ANKS1B: variants seen among roughly 807,000 people sequenced by gnomAD.
ANKS1B encodes the protein ankyrin repeat and sterile alpha motif domain-containing protein 1B.
ANKS1B carries 36 observed loss-of-function variants against 148.3 expected under a neutral mutation model. That is an observed-to-expected ratio of 0.24 (90% confidence interval 0.19 to 0.32). The LOEUF is 0.32. Among genes scored for constraint, ANKS1B ranks in the 10% least tolerant of loss-of-function variants. ANKS1B has a pLI of 1.00. For missense variants in ANKS1B, 1,157 were observed against 1,542.6 expected, an observed-to-expected ratio of 0.75 and a Z score of 4.19; for synonymous variants, 542 against 560.8, an observed-to-expected ratio of 0.97 and a Z score of 0.47.
chr12:99,463,008 A>G (rs2096011016), intron 10 of ANKS1B, among the ~76,000 whole-genome samples: 1 of 152,076 alleles, frequency 6.6e-6, no homozygotes, highest in Admixed American at 6.6e-5. Flanking sequence ...AGCCAAACAA[A>G]CCTCCTTTCT....
intron 25 of ANKS1B, among the ~76,000 whole-genome samples, chr12:98,759,212 G>A (rs2153431483): frequency 6.6e-6 from 1 of 152,240 alleles, no homozygotes; most frequent in South Asian, 2.1e-4. Flanking sequence ...AGATATGCAG[G>A]TCAGCTTATA....
intron 17 of ANKS1B, among the ~76,000 whole-genome samples, chr12:98,974,256 G>A (rs1568122841): frequency 6.6e-6 from 1 of 152,178 alleles, no homozygotes; most frequent in Non-Finnish European, 1.5e-5. Flanking sequence ...GAATGAGTAA[G>A]AGTTAAGATA....
chr12:99,385,554 C>G (rs748281773), intron 12 of ANKS1B, among the ~76,000 whole-genome samples: 1 of 152,288 alleles, frequency 6.6e-6, no homozygotes, highest in Non-Finnish European at 1.5e-5. Context: ...GGAAATGATT[C>G]AGGTTCACTT....
chr12:99,505,264 T>C (rs2153008696), intron 9 of ANKS1B, among the ~76,000 whole-genome samples: 1 of 152,230 alleles, frequency 6.6e-6, no homozygotes, highest in Admixed American at 6.6e-5. Flanking sequence ...ACATTGATCA[T>C]ATCATTGAGC....
At chr12:99,064,400 G>A (rs1329837002) in intron 16 of ANKS1B, among the ~76,000 whole-genome samples, 1 of 152,170 alleles carries the variant, frequency 6.6e-6, no homozygotes, top group Non-Finnish European at 1.5e-5. Flanking sequence ...AAGACACATA[G>A]GGGATCAGCT....
chr12:98,855,943 G>A (rs2099569161), intron 17 of ANKS1B, among the ~76,000 whole-genome samples: 2 of 152,166 alleles, frequency 1.3e-5, no homozygotes, highest in South Asian at 2.1e-4. Context: ...AGGTTGATGC[G>A]CTGTCTTTCT....
chr12:98,947,754 T>C (rs940925065), intron 17 of ANKS1B, among the ~76,000 whole-genome samples: 2 of 152,250 alleles, frequency 1.3e-5, no homozygotes, highest in African/African-American at 4.8e-5. Context: ...TTCTGTCCTC[T>C]GCAGCAACGC....
At chr12:99,665,809 A>C (rs2153459889) in intron 8 of ANKS1B, among the ~76,000 whole-genome samples, 1 of 152,272 alleles carries the variant, frequency 6.6e-6, no homozygotes, top group East Asian at 1.9e-4. Context: ...GCTGTGTTGT[A>C]AGAGTATTCT....
intron 17 of ANKS1B, among the ~76,000 whole-genome samples, chr12:99,034,463 G>A (rs574760455): frequency 1.3e-5 from 2 of 152,240 alleles, no homozygotes; most frequent in East Asian, 3.9e-4. Context: ...CCATAGGCGT[G>A]TGCAACCATG....
intron 11 of ANKS1B, among the ~76,000 whole-genome samples, chr12:99,435,635 G>C (rs2095447647): frequency 6.6e-6 from 1 of 151,948 alleles, no homozygotes; most frequent in Non-Finnish European, 1.5e-5. Flanking sequence ...AAGCAGGCAA[G>C]GCAAATACCA....
At chr12:99,475,255 G>GA (rs561280407) in intron 10 of ANKS1B, among the ~76,000 whole-genome samples, 2,269 of 109,714 alleles carry the variant, frequency 0.021, 25 homozygotes, top group African/African-American at 0.025. Context: ...AAAAAAAAAA[G>GA]AAAAAAAAAA....
chr12:99,286,806 C>A (rs151013547), intron 12 of ANKS1B, among the ~76,000 whole-genome samples: 2 of 152,232 alleles, frequency 1.3e-5, no homozygotes, highest in Non-Finnish European at 2.9e-5. Flanking sequence ...GTGGCCACAG[C>A]GAGAGACTTC....
At position 99,459,333 on chromosome 12, in the gene ANKS1B, C is replaced by T. The variant is rs181003059; in HGVS notation, c.1439-15524G>A. On this transcript the variant is annotated intron_variant, in intron 10 of 26. Transcript: ENST00000683438. ...AATGGGGAAAATTTGAAAGCATTCC[C>T]CCTGAGAACTGGAACAAGACAAGGA... 3.0e-3 allele frequency among the ~76,000 whole-genome samples: 463 copies of T among 152,094 alleles called. 3 individuals are homozygous for T. The highest frequency in any genetic ancestry group is 4.6e-3 in the Non-Finnish European group (314 of 67,918).
intron 10 of ANKS1B, among the ~76,000 whole-genome samples, chr12:99,476,477 C>T (rs2096324128): frequency 6.6e-6 from 1 of 152,006 alleles, no homozygotes; most frequent in South Asian, 2.1e-4. Flanking sequence ...AGTTGTACTA[C>T]ATATAACAGA....
intron 17 of ANKS1B, chr12:98,894,881 C>G (rs2099761148): frequency 1.0e-6 from 1 of 975,998 alleles, no homozygotes; most frequent in Non-Finnish European, 1.2e-6. Context: ...CCCGGGCCCG[C>G]GCGCGCGCCC....
chr12:99,316,601 T>A (rs1173879531), intron 12 of ANKS1B, among the ~76,000 whole-genome samples: 1 of 152,168 alleles, frequency 6.6e-6, no homozygotes, highest in Non-Finnish European at 1.5e-5. Flanking sequence ...TGTAAAAATG[T>A]TCTCCCTTTT....
intron 17 of ANKS1B, among the ~76,000 whole-genome samples, chr12:98,953,032 T>C (rs1324109807): frequency 6.6e-6 from 1 of 151,962 alleles, no homozygotes; most frequent in African/African-American, 2.4e-5. Flanking sequence ...CTATTTTTTT[T>C]TTTTTTGAGA....
At chr12:98,878,639 A>C (rs79567714) in intron 17 of ANKS1B, among the ~76,000 whole-genome samples, 1 of 152,146 alleles carries the variant, frequency 6.6e-6, no homozygotes, top group African/African-American at 2.4e-5. Flanking sequence ...GGAAGAGAGC[A>C]GGGAAAGCTG....
At chr12:98,770,621 T>C (rs2098553496) in intron 25 of ANKS1B, among the ~76,000 whole-genome samples, 1 of 152,154 alleles carries the variant, frequency 6.6e-6, no homozygotes, top group Non-Finnish European at 1.5e-5. Context: ...GGTTTGTTTT[T>C]TTTTTTAAAG....
Sources: allele counts gnomAD v4.1 joint callset (sites outside exome capture counted in the v4.1 genomes callset), GRCh38; gene constraint gnomAD v4.1.1; transcripts MANE v1.5; gene names NCBI Gene and HGNC (gene_info 2026-07-23, HGNC 2026-07-21).